Variants in SLC5A8 observed in about 807,000 individuals in gnomAD.
SLC5A8 encodes the protein sodium-coupled monocarboxylate transporter 1.
SLC5A8 carries 55 observed loss-of-function variants against 71.9 expected under a neutral mutation model. The observed-to-expected ratio is 0.77, with a 90% CI of 0.62 to 0.96. The LOEUF (loss-of-function observed/expected upper bound fraction) is 0.96. Among genes scored for constraint, SLC5A8 ranks in the 40% least tolerant of loss-of-function variants. The pLI, the probability that SLC5A8 is intolerant of heterozygous loss-of-function variation, is 0.00. For missense variants in SLC5A8, 701 were observed against 745.3 expected (o/e 0.94, Z 0.69); for synonymous variants, 307 against 276.1 (o/e 1.11, Z -1.11).
At chr12:101,208,829 T>C (rs1869787098) in intron 1 of SLC5A8, among the ~76,000 whole-genome samples, 1 of 152,156 alleles carries the variant, frequency 6.6e-6, no homozygotes, top group Admixed American at 6.5e-5. Flanking sequence ...TGCTACACCT[T>C]GCATCATCTC....
At position 101,166,682 on chromosome 12, in the gene SLC5A8, C is replaced by G; in HGVS notation, c.1338G>C (p.Leu446=). 2 of 1,610,852 alleles carry G rather than the reference C, an allele frequency of 1.2e-6. No homozygotes were observed. Among genetic ancestry groups the G allele is most frequent in the South Asian group, 1.1e-5 (1 of 90,294 alleles). ...ATAGAGAAATGGCAAATCCAGCCAT[C>G]AGACCAACAAGTGCTCCCTGTAAAA... is the stretch of plus-strand genomic sequence containing the variant. ...FANSIGALVG[L]MAGFAISLWV... Residue 446 remains leucine, a synonymous_variant, in exon 12 of 15, where the codon CTG becomes CTC. Transcript: ENST00000536262.
intron 3 of SLC5A8, among the ~76,000 whole-genome samples, chr12:101,195,494 A>G (rs1054920612): frequency 2.0e-5 from 3 of 152,170 alleles, no homozygotes; most frequent in African/African-American, 4.8e-5. Flanking sequence ...ACGCGGTTCA[A>G]ATAAACACTC....
chr12:101,178,817 C>T (rs1217893153), intron 10 of SLC5A8, among the ~76,000 whole-genome samples: 1 of 135,824 alleles, frequency 7.4e-6, no homozygotes, highest in Admixed American at 7.0e-5. Flanking sequence ...AGACTTTATC[C>T]AAACTAAAAA....
At chr12:101,194,145 T>C (rs1395968266) in intron 4 of SLC5A8, among the ~76,000 whole-genome samples, 1 of 152,152 alleles carries the variant, frequency 6.6e-6, no homozygotes, top group African/African-American at 2.4e-5. Flanking sequence ...GTAAATAATA[T>C]GAATTTTATC....
intron 10 of SLC5A8, among the ~76,000 whole-genome samples, chr12:101,170,930 C>T (rs724344): frequency 0.23 from 34,284 of 152,066 alleles, 4,253 homozygotes; most frequent in East Asian, 0.53. Context: ...AGCCTCTTCC[C>T]TTGAGTTCGC....
chr12:101,209,943 C>G lies in SLC5A8; in HGVS notation c.-95G>C, dbSNP rs1869860770. ...CACTTCTTATCCCGGATCCCTGGCG[C>G]GCAGGCGTGGCGTCCCGCGGGGACT... On this transcript the variant is annotated 5_prime_UTR_variant, in exon 1 of 15. Coordinates refer to ENST00000536262, the MANE Select transcript of SLC5A8 (RefSeq NM_145913.5). The G allele has an allele frequency of 3.3e-6, 4 of 1,203,366 alleles. No individual in the cohort carries two copies. The highest frequency in any genetic ancestry group is 2.8e-4 in the Middle Eastern group (1 of 3,572). 74.5% of individuals were successfully genotyped at this position (1,203,366 alleles called of 1,614,324 possible). A position where few individuals can be genotyped will look rare whatever the true frequency, so the allele number is the denominator to read the frequency against.
At chr12:101,209,416 GC>G in intron 1 of SLC5A8, 81 bp downstream of exon 1, 1 of 1,030,874 alleles carries the variant, frequency 9.7e-7, no homozygotes, top group South Asian at 1.7e-5. Flanking sequence ...GTGACAGTCT[GC>G]CCCCAAGAAA....
intron 7 of SLC5A8, among the ~76,000 whole-genome samples, chr12:101,186,427 C>A (rs75799118): frequency 0.014 from 2,144 of 152,270 alleles, 43 homozygotes; most frequent in South Asian, 0.054. Flanking sequence ...AATCTATTTT[C>A]ATTCTAATGA....
intron 3 of SLC5A8, among the ~76,000 whole-genome samples, chr12:101,195,931 G>T (rs562110554): frequency 6.6e-6 from 1 of 151,990 alleles, no homozygotes; most frequent in South Asian, 2.1e-4. Context: ...GCCTGACTTC[G>T]TGATCCACCT....
chr12:101,172,518 A>C (rs1025318089), intron 10 of SLC5A8, among the ~76,000 whole-genome samples: 1 of 152,108 alleles, frequency 6.6e-6, no homozygotes, highest in Non-Finnish European at 1.5e-5. Context: ...CCTTGTGAAC[A>C]GCTGGACTGG....
At chr12:101,183,643 C>T (rs925395130) in intron 8 of SLC5A8, among the ~76,000 whole-genome samples, 14 of 152,134 alleles carry the variant, frequency 9.2e-5, no homozygotes, top group Non-Finnish European at 1.5e-5. Context: ...CACTAACACA[C>T]ACTGTACATG....
chr12:101,190,422 C>A (rs777535625), intron 6 of SLC5A8, 46 bp downstream of exon 6: 4 of 1,580,844 alleles, frequency 2.5e-6, no homozygotes, highest in Non-Finnish European at 2.6e-6. Flanking sequence ...TCCATAAAGA[C>A]AACTGATGGT....
intron 10 of SLC5A8, 23 bp from the exon 11 acceptor site, chr12:101,168,205 G>A (rs764819959): frequency 1.3e-5 from 21 of 1,570,488 alleles, no homozygotes; most frequent in Middle Eastern, 1.7e-4. Flanking sequence ...TACAACGTCA[G>A]CAATTAGCAA....
At chr12:101,167,946 G>T (rs2137127252) in intron 11 of SLC5A8, 150 bp downstream of exon 11, 2 of 764,600 alleles carry the variant, frequency 2.6e-6, no homozygotes, top group East Asian at 5.4e-5. Context: ...GTACTTCCTT[G>T]TACACTCCAC....
rs2051653176 is a variant in SLC5A8, at chr12:101,155,678, T to G, written c.*1601A>C. 1 of 151,544 alleles carries G rather than the reference T, an allele frequency of 6.6e-6. No individual in the cohort carries two copies. Among genetic ancestry groups the G allele is most frequent in the South Asian group, 2.1e-4 (1 of 4,814 alleles). 9.4% of individuals were successfully genotyped at this position (151,544 alleles called of 1,614,324 possible). A position where few individuals can be genotyped will look rare whatever the true frequency, so the allele number is the denominator to read the frequency against. On this transcript the variant is annotated 3_prime_UTR_variant, in exon 15 of 15. Coordinates refer to ENST00000536262, the MANE Select transcript of SLC5A8 (RefSeq NM_145913.5). ...AGTTTTTTTTATTTTTATTTTTTAT[T>G]TTTGTAGAGATGAGGTCTAACTATG... is the stretch of plus-strand genomic sequence containing the variant.
At chr12:101,201,751 G>T (rs1593384528) in intron 3 of SLC5A8, among the ~76,000 whole-genome samples, 2 of 152,274 alleles carry the variant, frequency 1.3e-5, no homozygotes, top group South Asian at 4.1e-4. Context: ...TAGAAGTGTG[G>T]AGAAGAAAAG....
In SLC5A8 at chr12:101,187,490, G is replaced by A. The variant is rs762018188; in HGVS notation, c.859C>T (p.Leu287Phe). The change falls in exon 7 of 15, where the codon CTC becomes TTC. Residue 287 changes from leucine (L) to phenylalanine (F), a missense_variant. Physicochemically the swap from Leu to Phe is conservative, Grantham distance 22 (BLOSUM62 0). Coordinates refer to ENST00000536262, the MANE Select transcript of SLC5A8 (RefSeq NM_145913.5). ...KLSLYINLVG[L>F]WAILTCSVFC... is the part of the protein sequence containing the mutation. ...ACTGAGCATGTGAGGATTGCCCAGA[G>A]TCCCACAAGATTGATGTAGAGAGAC... The A allele has an allele frequency of 6.2e-7, 1 of 1,613,664 alleles. No individual in the cohort carries two copies. The highest frequency in any genetic ancestry group is 8.5e-7 in the Non-Finnish European group (1 of 1,179,826).
intron 5 of SLC5A8, among the ~76,000 whole-genome samples, chr12:101,192,524 A>G (rs1009564483): frequency 6.6e-6 from 1 of 152,212 alleles, no homozygotes; most frequent in Non-Finnish European, 1.5e-5. Context: ...GGACAACACT[A>G]TTGATCCAAA....
At chr12:101,158,180 A>T in intron 14 of SLC5A8, 69 bp downstream of exon 14, 1 of 1,051,322 alleles carries the variant, frequency 9.5e-7, no homozygotes, top group South Asian at 1.3e-5. Context: ...GAGGTTGAGA[A>T]CTAATTAGTG....
Sources: gnomAD v4.1 joint callset for allele counts (sites outside exome capture counted in the v4.1 genomes callset) on GRCh38, gnomAD v4.1.1 for gene constraint, MANE v1.5 for transcripts, NCBI Gene and HGNC (gene_info 2026-07-23, HGNC 2026-07-21) for gene names.